BANK1: variants seen among roughly 807,000 people sequenced by gnomAD.
BANK1 encodes the protein B-cell scaffold protein with ankyrin repeats.
In BANK1, 95 loss-of-function variants were observed where a neutral mutation model predicts 94.5. The observed-to-expected ratio is 1.00, with a 90% CI of 0.85 to 1.19. The LOEUF is 1.19. BANK1 is among the 50% of genes most tolerant of loss of function. The pLI is 0.00. For missense variants in BANK1, 987 were observed against 932.2 expected (o/e 1.06, Z -0.77); for synonymous variants, 334 against 308.4 (o/e 1.08, Z -0.87).
intron 7 of BANK1, among the ~76,000 whole-genome samples, chr4:101,930,783 T>A (rs1723312107): frequency 6.6e-6 from 1 of 151,536 alleles, no homozygotes; most frequent in African/African-American, 2.4e-5. Flanking sequence ...AGTGTAGCTC[T>A]ACATGCTTTA....
At chr4:102,017,938 C>T (rs2148945299) in intron 7 of BANK1, among the ~76,000 whole-genome samples, 1 of 152,148 alleles carries the variant, frequency 6.6e-6, no homozygotes, top group South Asian at 2.1e-4. Flanking sequence ...GGATGGAGTT[C>T]CTCCTTAATT....
At chr4:102,001,592 G>A (rs1726077070) in intron 7 of BANK1, among the ~76,000 whole-genome samples, 1 of 152,198 alleles carries the variant, frequency 6.6e-6, no homozygotes, top group Non-Finnish European at 1.5e-5. Context: ...ATAACATAGA[G>A]GTGTAGATAA....
intron 7 of BANK1, among the ~76,000 whole-genome samples, chr4:101,983,077 T>C (rs1337972792): frequency 6.6e-6 from 1 of 152,076 alleles, no homozygotes; most frequent in Admixed American, 6.6e-5. Flanking sequence ...AAATTGTAGT[T>C]TGGTTAGGCT....
At chr4:101,980,390 CTG>C (rs1258122637) in intron 7 of BANK1, among the ~76,000 whole-genome samples, 1 of 151,124 alleles carries the variant, frequency 6.6e-6, no homozygotes, top group East Asian at 1.9e-4. Context: ...CAGTGATTTT[CTG>C]TGTCATTATT....
At chr4:101,793,274 T>C (rs1375791488) in intron 1 of BANK1, among the ~76,000 whole-genome samples, 1 of 152,188 alleles carries the variant, frequency 6.6e-6, no homozygotes, top group African/African-American at 2.4e-5. Context: ...GCTTTTTGCT[T>C]TGACTGCAAT....
intron 7 of BANK1, among the ~76,000 whole-genome samples, chr4:101,973,227 T>G (rs1223691274): frequency 6.6e-6 from 1 of 151,996 alleles, no homozygotes; most frequent in African/African-American, 2.4e-5. Flanking sequence ...CACATTGTAT[T>G]AATAATTCAT....
At chr4:102,046,440 A>G (rs1470093886) in intron 11 of BANK1, among the ~76,000 whole-genome samples, 2 of 152,134 alleles carry the variant, frequency 1.3e-5, no homozygotes, top group Non-Finnish European at 2.9e-5. Flanking sequence ...CGATGTTATC[A>G]TGAGGGTTCC....
At position 101,884,717 on chromosome 4, in the gene BANK1, C is replaced by T. The variant is rs577324826; in HGVS notation, c.904-10588C>T. ...TCTACAAATTCAATCCATACTAATA[C>T]ATATCAATGTTACTTACTAAATATT... On this transcript the variant is annotated intron_variant, in intron 5 of 16. Transcript: ENST00000322953. Among the ~76,000 whole-genome samples, 5 of 152,278 alleles carry T rather than the reference C, an allele frequency of 3.3e-5. No individual in the cohort carries two copies. In the South Asian group the frequency reaches 1.0e-3, roughly 32 times the overall value.
At chr4:101,993,800 G>C (rs1293454709) in intron 7 of BANK1, among the ~76,000 whole-genome samples, 1 of 152,152 alleles carries the variant, frequency 6.6e-6, no homozygotes, top group Admixed American at 6.6e-5. Flanking sequence ...TAAAGCTTTT[G>C]GCTAAATGCC....
chr4:101,809,151 G>C (rs1725658744), intron 1 of BANK1, among the ~76,000 whole-genome samples: 1 of 152,152 alleles, frequency 6.6e-6, no homozygotes, highest in Admixed American at 6.5e-5. Context: ...ATACACCATG[G>C]AATACTGCTT....
chr4:101,853,271 G>C (rs997184270), intron 2 of BANK1, among the ~76,000 whole-genome samples: 2 of 152,156 alleles, frequency 1.3e-5, no homozygotes, highest in African/African-American at 4.8e-5. Flanking sequence ...CGTGGAGACA[G>C]CTCCTCCCTC....
At chr4:101,954,807 A>G (rs981661415) in intron 7 of BANK1, among the ~76,000 whole-genome samples, 1 of 152,176 alleles carries the variant, frequency 6.6e-6, no homozygotes, top group African/African-American at 2.4e-5. Flanking sequence ...GAAATTACAA[A>G]GGGAAGAAAA....
intron 1 of BANK1, among the ~76,000 whole-genome samples, chr4:101,795,548 G>C (rs2148848077): frequency 6.6e-6 from 1 of 152,072 alleles, no homozygotes; most frequent in Middle Eastern, 3.4e-3. Context: ...ATTTTCTATT[G>C]ATTGCATTTT....
At chr4:102,061,353 G>A (rs1728412420) in intron 12 of BANK1, 1 of 152,220 alleles carries the variant, frequency 6.6e-6, no homozygotes, top group East Asian at 1.9e-4. Context: ...TCTAAGGGCA[G>A]TTATGGTTGT....
chr4:101,858,288 C>T (rs1237119155), intron 3 of BANK1, among the ~76,000 whole-genome samples: 1 of 152,154 alleles, frequency 6.6e-6, no homozygotes, highest in East Asian at 1.9e-4. Context: ...GGGTAGAACT[C>T]TGAAAGCTGC....
At chr4:101,822,075 C>G (rs1726172915) in intron 1 of BANK1, among the ~76,000 whole-genome samples, 1 of 152,088 alleles carries the variant, frequency 6.6e-6, no homozygotes, top group South Asian at 2.1e-4. Flanking sequence ...AAGCACTTGG[C>G]AAGGCGTGGT....
At chr4:102,004,550 A>G (rs947311410) in intron 7 of BANK1, among the ~76,000 whole-genome samples, 1 of 152,174 alleles carries the variant, frequency 6.6e-6, no homozygotes, top group Non-Finnish European at 1.5e-5. Context: ...GCAGCTGTGA[A>G]GTATTATGAA....
chr4:101,898,281 C>T (rs1722160641), intron 6 of BANK1, among the ~76,000 whole-genome samples: 2 of 151,812 alleles, frequency 1.3e-5, no homozygotes, highest in Admixed American at 1.3e-4. Context: ...AGACTTTGCA[C>T]CTGTGTTTCA....
intron 2 of BANK1, among the ~76,000 whole-genome samples, chr4:101,852,920 A>C (rs1727544350): frequency 6.6e-6 from 1 of 152,100 alleles, no homozygotes; most frequent in Non-Finnish European, 1.5e-5. Flanking sequence ...GCCATGGTGG[A>C]ATGACTTCTC....
Sources: gnomAD v4.1 joint callset for allele counts (sites outside exome capture counted in the v4.1 genomes callset) on GRCh38, gnomAD v4.1.1 for gene constraint, MANE v1.5 for transcripts, NCBI Gene and HGNC (gene_info 2026-07-23, HGNC 2026-07-21) for gene names.